CDH18: variants seen among roughly 807,000 people sequenced by gnomAD.
The protein encoded by CDH18 is cadherin 18.
In CDH18, 31 loss-of-function variants were observed where a neutral mutation model predicts 67.9. The observed-to-expected ratio is 0.46, with a 90% CI of 0.34 to 0.62. The LOEUF is 0.62. CDH18 is among the 20% of genes least tolerant of loss of function. The pLI, the probability that CDH18 is intolerant of heterozygous loss-of-function variation, is 0.01. For missense variants in CDH18, 890 were observed against 975.5 expected, an observed-to-expected ratio of 0.91 and a Z score of 1.17; for synonymous variants, 362 against 347.2, an observed-to-expected ratio of 1.04 and a Z score of -0.48.
intron 2 of CDH18, among the ~76,000 whole-genome samples, chr5:20,106,644 T>A (rs928176908): frequency 3.3e-5 from 5 of 152,228 alleles, no homozygotes; most frequent in Non-Finnish European, 7.3e-5. Flanking sequence ...TTGTAATACC[T>A]GCTGGGATTG....
intron 2 of CDH18, among the ~76,000 whole-genome samples, chr5:20,128,177 G>A (rs1020742336): frequency 1.1e-4 from 17 of 152,108 alleles, no homozygotes; most frequent in African/African-American, 3.9e-4. Context: ...GCCTATTAAT[G>A]TTTGTGAACC....
intron 3 of CDH18, among the ~76,000 whole-genome samples, chr5:19,751,971 C>T (rs907194572): frequency 6.6e-6 from 1 of 152,046 alleles, no homozygotes; most frequent in Non-Finnish European, 1.5e-5. Flanking sequence ...AAGCAGATTG[C>T]TCCTGCAGGG....
rs1287797654 is a variant in CDH18 at position 19,473,076 on chromosome 5, C to T, written c.*150G>A. The T allele has an allele frequency of 1.9e-5, 14 of 735,750 alleles. No individual in the cohort carries two copies. Among genetic ancestry groups the T allele is most frequent in the South Asian group, 9.1e-5 (4 of 43,804 alleles). 45.6% of individuals were successfully genotyped at this position (735,750 alleles called of 1,614,324 possible). Reference sequence around the variant, plus strand: ...TTCTTCCAATTAAATAACCCAGTTTCGATCATGAAAAGGGCACTTGTTTCT... The same window carrying T: ...TTCTTCCAATTAAATAACCCAGTTTTGATCATGAAAAGGGCACTTGTTTCT... On this transcript the variant is annotated 3_prime_UTR_variant, in exon 13 of 13. Coordinates refer to ENST00000382275, the MANE Select transcript of CDH18 (RefSeq NM_004934.5).
intron 10 of CDH18, among the ~76,000 whole-genome samples, chr5:19,519,044 A>C (rs58373800): frequency 2.0e-3 from 305 of 152,248 alleles, no homozygotes; most frequent in African/African-American, 6.9e-3. Flanking sequence ...CGGTCAGGTA[A>C]TTTCTCTACT....
At chr5:20,396,458 C>T (rs1745287995) in intron 1 of CDH18, among the ~76,000 whole-genome samples, 1 of 150,598 alleles carries the variant, frequency 6.6e-6, no homozygotes, top group South Asian at 2.1e-4. Context: ...TAGTAAAGGT[C>T]TTAATGATAA....
At chr5:19,958,619 G>C (rs1347518280) in intron 2 of CDH18, among the ~76,000 whole-genome samples, 1 of 151,872 alleles carries the variant, frequency 6.6e-6, no homozygotes, top group Non-Finnish European at 1.5e-5. Context: ...TAAAAGAGGA[G>C]AAGACAGGTA....
chr5:20,052,520 C>T (rs755357303), intron 2 of CDH18, among the ~76,000 whole-genome samples: 15 of 151,860 alleles, frequency 9.9e-5, no homozygotes, highest in Non-Finnish European at 1.9e-4. Flanking sequence ...AACATGGGTG[C>T]GTGTATTCAT....
chr5:20,077,975 C>T (rs902873002), intron 2 of CDH18, among the ~76,000 whole-genome samples: 1 of 152,142 alleles, frequency 6.6e-6, no homozygotes, highest in Admixed American at 6.5e-5. Context: ...GAGTCTAAAA[C>T]AGCATGCTCA....
Position 20,130,401 on chromosome 5 carries a change from G to GT in CDH18, c.-518+125042dup, listed in dbSNP as rs4002156. On this transcript the variant is annotated intron_variant, in intron 2 of 14. Transcript: ENST00000507958. ...GAGAGGTAGAGTTCTCTCTTCCTTA[G>GT]TTTTTTTTTTTTTTTTCACTTACGA... Among the ~76,000 whole-genome samples, 1,096 of 143,876 alleles carry GT rather than the reference G, an allele frequency of 7.6e-3. 19 individuals are homozygous for GT. Among genetic ancestry groups the GT allele is most frequent in the African/African-American group, 0.024 (943 of 38,578 alleles). The allele number at this position is 143,876 out of a possible 152,430, so 94.4% of individuals were successfully genotyped here.
At chr5:19,479,537 T>TTA (rs1293031917) in intron 12 of CDH18, among the ~76,000 whole-genome samples, 2 of 152,148 alleles carry the variant, frequency 1.3e-5, no homozygotes, top group African/African-American at 4.8e-5. Flanking sequence ...ATAATTGTAG[T>TTA]TATATATTTT....
chr5:20,358,400 A>T (rs965058344), intron 1 of CDH18, among the ~76,000 whole-genome samples: 3 of 152,236 alleles, frequency 2.0e-5, no homozygotes, highest in African/African-American at 7.2e-5. Context: ...TAGATATTAA[A>T]AACACATCCC....
intron 5 of CDH18, among the ~76,000 whole-genome samples, chr5:19,695,477 T>C (rs891292452): frequency 3.0e-4 from 45 of 152,348 alleles, no homozygotes; most frequent in Non-Finnish European, 4.7e-4. Flanking sequence ...GTCTACTTTA[T>C]GTAAAATTTA....
At chr5:19,771,739 C>T (rs1034002568) in intron 3 of CDH18, among the ~76,000 whole-genome samples, 1 of 152,090 alleles carries the variant, frequency 6.6e-6, no homozygotes, top group African/African-American at 2.4e-5. Context: ...GTAAGCTGAA[C>T]TCAAAAAAAC....
At chr5:19,939,841 C>T (rs1485387908) in intron 2 of CDH18, among the ~76,000 whole-genome samples, 4 of 151,826 alleles carry the variant, frequency 2.6e-5, no homozygotes, top group African/African-American at 4.8e-5. Flanking sequence ...ACTGGAAAGA[C>T]TCATCAATTT....
chr5:20,179,725 G>A (rs1377339950), intron 2 of CDH18, among the ~76,000 whole-genome samples: 1 of 152,130 alleles, frequency 6.6e-6, no homozygotes, highest in East Asian at 1.9e-4. Flanking sequence ...AAACTTTGGA[G>A]ATTTGGAGAC....
At chr5:20,281,193 C>A (rs2126700066) in intron 1 of CDH18, among the ~76,000 whole-genome samples, 1 of 152,168 alleles carries the variant, frequency 6.6e-6, no homozygotes, top group East Asian at 1.9e-4. Flanking sequence ...TTTTGCTGTG[C>A]AGAAGCTCTT....
chr5:19,815,610 T>A (rs1363720679), intron 3 of CDH18, among the ~76,000 whole-genome samples: 1 of 151,876 alleles, frequency 6.6e-6, no homozygotes, highest in Non-Finnish European at 1.5e-5. Flanking sequence ...AAATATAGAA[T>A]AAGGTCAGTG....
intron 5 of CDH18, among the ~76,000 whole-genome samples, chr5:19,641,720 C>A (rs1392577132): frequency 2.6e-5 from 4 of 152,020 alleles, no homozygotes; most frequent in East Asian, 3.9e-4. Context: ...CAGCTAAAAT[C>A]ATAATTTATG....
At chr5:20,047,866 T>A (rs1741048341) in intron 2 of CDH18, among the ~76,000 whole-genome samples, 1 of 151,770 alleles carries the variant, frequency 6.6e-6, no homozygotes, top group Non-Finnish European at 1.5e-5. Context: ...TTTTAAGCTT[T>A]CAGAAATCAT....
Sources: gnomAD v4.1 joint callset for allele counts (sites outside exome capture counted in the v4.1 genomes callset) on GRCh38, gnomAD v4.1.1 for gene constraint, MANE v1.5 for transcripts, NCBI Gene and HGNC (gene_info 2026-07-23, HGNC 2026-07-21) for gene names.